Variants in MLLT10 observed in about 807,000 individuals in gnomAD.
The protein encoded by MLLT10 is MLLT10 histone lysine methyltransferase DOT1L cofactor, also known as protein AF-10.
A neutral mutation model predicts 129.1 loss-of-function variants in MLLT10; 30 were observed. That is an observed-to-expected ratio of 0.23 (90% CI 0.17 to 0.32). The LOEUF is 0.32. Among genes scored for constraint, MLLT10 ranks in the 10% least tolerant of loss-of-function variants. The pLI is 1.00. For synonymous variants in MLLT10, 490 were observed against 446.4 expected, an observed-to-expected ratio of 1.10 and a Z score of -1.23; for missense variants, 1,119 against 1,268.3, an observed-to-expected ratio of 0.88 and a Z score of 1.79.
At chr10:21,558,754 C>T (rs2038411129) in intron 3 of MLLT10, among the ~76,000 whole-genome samples, 2 of 152,088 alleles carry the variant, frequency 1.3e-5, no homozygotes, top group Admixed American at 6.6e-5. Context: ...CACTATTCCT[C>T]TCAGTTCCAC....
intron 11 of MLLT10, among the ~76,000 whole-genome samples, chr10:21,676,453 A>G (rs1425649338): frequency 1.4e-5 from 2 of 145,512 alleles, no homozygotes; most frequent in Non-Finnish European, 3.0e-5. Context: ...GGGCATGGTG[A>G]CTTACGCCTG....
At chr10:21,726,705 T>TTTTTTTTG (rs2057542068) in intron 15 of MLLT10, among the ~76,000 whole-genome samples, 1 of 126,554 alleles carries the variant, frequency 7.9e-6, no homozygotes, top group Non-Finnish European at 1.8e-5. Flanking sequence ...TTTTTTTTTT[T>TTTTTTTTG]TATTGTCTGA....
chr10:21,692,787 A>G lies in MLLT10; in HGVS notation c.1699+10530A>G, dbSNP rs556367098. ...CAGGCATGAGCCGCCACACCTGGCCATAATGGTTATATTAAAATCACTGGT... is the reference window on the plus strand; with the variant it reads ...CAGGCATGAGCCGCCACACCTGGCCGTAATGGTTATATTAAAATCACTGGT... On this transcript the variant is annotated intron_variant, in intron 13 of 22. Coordinates refer to ENST00000307729, the MANE Select transcript of MLLT10 (RefSeq NM_001195626.3). Among the ~76,000 whole-genome samples the G allele has an allele frequency of 1.8e-4, 28 of 152,244 alleles. No individual in the cohort carries two copies. The East Asian group carries it at 1.9e-3, about 11-fold the overall frequency.
chr10:21,651,898 C>CATTT, intron 9 of MLLT10, 130 bp downstream of exon 9: 1 of 210,624 alleles, frequency 4.7e-6, no homozygotes. Context: ...TTAGAATTCT[C>CATTT]ATTTCTTTTT....
chr10:21,556,824 A>G (rs2038078211), intron 3 of MLLT10: 2 of 1,559,524 alleles, frequency 1.3e-6, no homozygotes, highest in African/African-American at 1.4e-5. Context: ...TTCGGTCCTC[A>G]GTCATTTACC....
rs533257940 is a variant in MLLT10 at position 21,733,940 on chromosome 10, C to T, written c.2669C>T (p.Pro890Leu). 6.2e-7 allele frequency: 1 copy of T among 1,614,190 alleles called. No homozygotes were observed. The highest frequency in any genetic ancestry group is 8.5e-7 in the Non-Finnish European group (1 of 1,180,032). The part of the protein sequence containing the change: ...SGMQPVTSTI[P>L]AVSAVGGIIG... The stretch of plus-strand genomic sequence containing the variant: ...ATGCAGCCTGTAACTTCCACCATTC[C>T]TGCCGTGTCTGCAGTGGGTGGAATA... The change falls in exon 20 of 23, where the codon CCT becomes CTT. Residue 890 changes from proline to leucine, a missense_variant. Transcript: ENST00000307729.
chr10:21,670,383 C>A, intron 9 of MLLT10, 66 bp from the exon 10 acceptor site: 1 of 1,442,568 alleles, frequency 6.9e-7, no homozygotes, highest in South Asian at 1.5e-5. Flanking sequence ...AATGTGGCAC[C>A]CATTGTTTTC....
chr10:21,607,344 G>A (rs2044161949), intron 5 of MLLT10, among the ~76,000 whole-genome samples: 1 of 140,922 alleles, frequency 7.1e-6, no homozygotes. Context: ...TTTTGAGATG[G>A]AGTTTTGCTC....
At chr10:21,615,478 A>G (rs1420224024) in intron 7 of MLLT10, among the ~76,000 whole-genome samples, 2 of 150,864 alleles carry the variant, frequency 1.3e-5, no homozygotes, top group African/African-American at 2.4e-5. Flanking sequence ...AAAAAAAGAA[A>G]AAAAAAAAGA....
intron 3 of MLLT10, among the ~76,000 whole-genome samples, chr10:21,583,872 AT>A (rs753865899): frequency 4.6e-3 from 671 of 144,772 alleles, no homozygotes; most frequent in Non-Finnish European, 5.4e-3. Flanking sequence ...AATAGGCTCA[AT>A]TTTTTTTTTT....
intron 3 of MLLT10, among the ~76,000 whole-genome samples, chr10:21,568,109 C>T (rs1423098321): frequency 6.6e-6 from 1 of 152,206 alleles, no homozygotes; most frequent in Non-Finnish European, 1.5e-5. Context: ...TGAGCCACCG[C>T]ACCCGGCCTT....
chr10:21,688,644 T>TAA, intron 13 of MLLT10: 7 of 764,144 alleles, frequency 9.2e-6, no homozygotes, highest in Non-Finnish European at 1.4e-5. Flanking sequence ...TATGTACTCA[T>TAA]AAAAAAAAAA....
chr10:21,603,048 C>T (rs1267408163), intron 5 of MLLT10, among the ~76,000 whole-genome samples: 3 of 150,858 alleles, frequency 2.0e-5, no homozygotes. Flanking sequence ...AACTCTTAAT[C>T]AAAAAATTTT....
intron 4 of MLLT10, among the ~76,000 whole-genome samples, chr10:21,588,840 T>C (rs76702249): frequency 6.6e-6 from 1 of 151,548 alleles, no homozygotes; most frequent in African/African-American, 2.4e-5. Context: ...TTTTTTTTTT[T>C]TGAGACAGGG....
chr10:21,717,688 C>T (rs1589799879), intron 14 of MLLT10, among the ~76,000 whole-genome samples: 2 of 121,490 alleles, frequency 1.6e-5, no homozygotes, highest in African/African-American at 3.4e-5. Flanking sequence ...TCCTCCTCCT[C>T]CTCCTCCTCC....
intron 13 of MLLT10, chr10:21,708,566 G>A: frequency 1.0e-6 from 1 of 983,866 alleles, no homozygotes; most frequent in Non-Finnish European, 1.2e-6. Context: ...TTTTTTTTGT[G>A]TGTGTGTTTT....
chr10:21,638,668 A>G (rs747877182), intron 8 of MLLT10, among the ~76,000 whole-genome samples: 31 of 152,080 alleles, frequency 2.0e-4, no homozygotes, highest in Non-Finnish European at 3.5e-4. Context: ...AAAAAAATAA[A>G]TCGTGTCTTT....
chr10:21,605,359 TGTAA>T (rs1163502758), intron 5 of MLLT10, among the ~76,000 whole-genome samples: 1 of 152,096 alleles, frequency 6.6e-6, no homozygotes, highest in Non-Finnish European at 1.5e-5. Context: ...GTTGAAAAAC[TGTAA>T]GTAGAATGAT....
intron 9 of MLLT10, among the ~76,000 whole-genome samples, chr10:21,655,080 T>C (rs926109862): frequency 1.3e-5 from 2 of 151,998 alleles, no homozygotes; most frequent in Non-Finnish European, 2.9e-5. Context: ...ATGGAGATTA[T>C]TGAGGGTTTG....
Sources: gnomAD v4.1 joint callset for allele counts (sites outside exome capture counted in the v4.1 genomes callset) on GRCh38, gnomAD v4.1.1 for gene constraint, MANE v1.5 for transcripts, NCBI Gene and HGNC (gene_info 2026-07-23, HGNC 2026-07-21) for gene names.